The following OR5D3 variants were observed in gnomAD, a reference collection of about 807,000 sequenced individuals.
OR5D3 encodes the protein olfactory receptor 5D3.
At chr11:55,728,235 C>G in the OR5D3 span, 1 of 137,674 alleles carries the variant, frequency 7.3e-6, no homozygotes, top group African/African-American at 2.7e-5. Flanking sequence ...TGGGTCTCAC[C>G]TGTTAACATT....
the OR5D3 span, among the ~76,000 whole-genome samples, chr11:55,725,791 T>A: frequency 1.3e-5 from 2 of 152,078 alleles, no homozygotes; most frequent in Non-Finnish European, 2.9e-5. Flanking sequence ...TTTTACAATT[T>A]GTTAAGAGTT....
At chr11:55,724,360 C>T in the OR5D3 span, among the ~76,000 whole-genome samples, 2 of 151,884 alleles carry the variant, frequency 1.3e-5, no homozygotes, top group Admixed American at 6.6e-5. Context: ...AGGAGATAAG[C>T]GAGACTAATA....
At chr11:55,728,647 T>TA in the OR5D3 span, 1 of 152,222 alleles carries the variant, frequency 6.6e-6, no homozygotes, top group East Asian at 1.9e-4. Context: ...TGTTAAGTGA[T>TA]ACTTGTTTCC....
At chr11:55,726,989 A>G in the OR5D3 span, 2 of 400,138 alleles carry the variant, frequency 5.0e-6, no homozygotes, top group Non-Finnish European at 8.8e-6. Context: ...CTTTTTCTCT[A>G]CTGTGTTCCT....
chr11:55,726,004 TA>T, the OR5D3 span, among the ~76,000 whole-genome samples: 1 of 152,062 alleles, frequency 6.6e-6, no homozygotes, highest in South Asian at 2.1e-4. Context: ...TTTTGTTTTT[TA>T]TTATTCCATT....
the OR5D3 span, among the ~76,000 whole-genome samples, chr11:55,725,131 T>C: frequency 6.6e-6 from 1 of 152,052 alleles, no homozygotes; most frequent in Non-Finnish European, 1.5e-5. Context: ...CCACACTAAT[T>C]AGCTATAATT....
chr11:55,726,691 A>G, the OR5D3 span: 2 of 399,580 alleles, frequency 5.0e-6, no homozygotes, highest in South Asian at 1.3e-4. Flanking sequence ...CTTAACATAC[A>G]CATATTTTCT....
the OR5D3 span, among the ~76,000 whole-genome samples, chr11:55,724,567 C>T: frequency 6.6e-6 from 1 of 152,016 alleles, no homozygotes; most frequent in East Asian, 1.9e-4. Flanking sequence ...TAACTTGATA[C>T]ATCTACCATG....
chr11:55,726,031 T>C, the OR5D3 span, among the ~76,000 whole-genome samples: 2 of 152,060 alleles, frequency 1.3e-5, no homozygotes, highest in African/African-American at 2.4e-5. Context: ...AATAATCCTA[T>C]TCACCTTGTA....
the OR5D3 span, chr11:55,724,074 T>A: frequency 2.5e-6 from 1 of 397,778 alleles, no homozygotes; most frequent in East Asian, 3.6e-5. Context: ...TTTAGTTTTT[T>A]TAAAATTTTA....
the OR5D3 span, chr11:55,726,678 T>C: frequency 5.0e-6 from 2 of 399,712 alleles, no homozygotes; most frequent in Non-Finnish European, 8.8e-6. Context: ...GTTTAGTTTG[T>C]TCCTTAACAT....
the OR5D3 span, chr11:55,727,680 A>C: frequency 6.6e-6 from 1 of 152,064 alleles, no homozygotes; most frequent in Admixed American, 6.5e-5. Flanking sequence ...ACTTGGTATT[A>C]TAAATTATAT....
the OR5D3 span, chr11:55,727,066 C>T: frequency 4.9e-6 from 2 of 404,734 alleles, no homozygotes; most frequent in East Asian, 3.5e-5. Context: ...CATTCCCATG[C>T]TGAACCCCTT....
chr11:55,726,136 A>G, the OR5D3 span: 1 of 397,550 alleles, frequency 2.5e-6, no homozygotes, highest in Admixed American at 4.4e-5. Context: ...TAAGTCTCTC[A>G]ATATTTCTTC....
At chr11:55,724,041 G>A in the OR5D3 span, 2 of 397,884 alleles carry the variant, frequency 5.0e-6, no homozygotes, top group South Asian at 1.3e-4. Flanking sequence ...TCACTCAGAT[G>A]CCTCTGTATT....
the OR5D3 span, chr11:55,727,237 A>G: frequency 2.5e-6 from 1 of 397,064 alleles, no homozygotes; most frequent in East Asian, 3.6e-5. Context: ...AAATTATGAT[A>G]ACCCTCCAAC....
At chr11:55,725,209 C>A in the OR5D3 span, among the ~76,000 whole-genome samples, 14 of 151,972 alleles carry the variant, frequency 9.2e-5, no homozygotes, top group Non-Finnish European at 8.8e-5. Context: ...CATTCATTAG[C>A]AATCTTTCTG....
At chr11:55,726,663 T>G in the OR5D3 span, 1 of 400,010 alleles carries the variant, frequency 2.5e-6, no homozygotes, top group Non-Finnish European at 4.4e-6. Flanking sequence ...CATCATACTC[T>G]TGGAGTTTAG....
At chr11:55,726,513 A>G in the OR5D3 span, 1 of 431,344 alleles carries the variant, frequency 2.3e-6, no homozygotes. Context: ...GCATCATGCA[A>G]TTCTTCTTTG....
Sources: allele counts gnomAD v4.1 joint callset (sites outside exome capture counted in the v4.1 genomes callset), GRCh38; gene constraint gnomAD v4.1.1; transcripts MANE v1.5; gene names NCBI Gene and HGNC (gene_info 2026-07-23, HGNC 2026-07-21).